RBFOX1: variants seen among roughly 807,000 people sequenced by gnomAD.
RBFOX1 encodes RNA binding protein fox-1 homolog 1.
A neutral mutation model predicts 57.7 loss-of-function variants in RBFOX1; 8 were observed. The ratio of observed to expected loss-of-function variants is 0.14; its 90% CI spans 0.08 to 0.25. The LOEUF (loss-of-function observed/expected upper bound fraction) is 0.25, where lower values mean the gene tolerates loss of function less well. Ranked by LOEUF, RBFOX1 falls within the 10% of genes least tolerant of loss-of-function variation. The probability of loss-of-function intolerance (pLI) is 1.00; values close to 1 mark genes in which losing one functional copy is unlikely to be tolerated. For missense variants in RBFOX1, 611 were observed against 548.5 expected (o/e 1.11, Z -1.14); for synonymous variants, 326 against 222.4 (o/e 1.47, Z -4.15).
chr16:7,077,478 G>A (rs1380386987), intron 4 of RBFOX1, among the ~76,000 whole-genome samples: 1 of 152,142 alleles, frequency 6.6e-6, no homozygotes, highest in Non-Finnish European at 1.5e-5. Context: ...GAATAACTGT[G>A]CCATTAGTAA....
At chr16:6,381,306 A>G in intron 2 of RBFOX1, among the ~76,000 whole-genome samples, 1 of 152,038 alleles carries the variant, frequency 6.6e-6, no homozygotes, top group Non-Finnish European at 1.5e-5. Context: ...CCAAAAGGTA[A>G]TTTTTCAACC....
chr16:6,389,954 G>T (rs2092511691), intron 2 of RBFOX1, among the ~76,000 whole-genome samples: 1 of 152,330 alleles, frequency 6.6e-6, no homozygotes, highest in Admixed American at 6.5e-5. Flanking sequence ...GGCTGGTGAA[G>T]TGTCCAGGAG....
intron 13 of RBFOX1, among the ~76,000 whole-genome samples, chr16:7,666,462 C>A (rs189860192): frequency 6.6e-6 from 1 of 152,040 alleles, no homozygotes; most frequent in African/African-American, 2.4e-5. Flanking sequence ...TCCACCTCTT[C>A]ACGCCTCAGT....
chr16:5,639,248 C>A (rs1190658883), intron 3 of RBFOX1, among the ~76,000 whole-genome samples: 1 of 152,176 alleles, frequency 6.6e-6, no homozygotes, highest in Non-Finnish European at 1.5e-5. Flanking sequence ...GGGAATGCCC[C>A]CACTAATTGC....
intron 1 of RBFOX1, among the ~76,000 whole-genome samples, chr16:6,210,362 A>AAAAAAAAAAAAAAAAAAAAAAACC (rs2097287632): frequency 4.0e-5 from 1 of 25,088 alleles, no homozygotes; most frequent in Non-Finnish European, 6.5e-5. Context: ...AAAAAACACC[A>AAAAAAAAAAAAAAAAAAAAAAACC]AAAAAAAAAA....
intron 3 of RBFOX1, among the ~76,000 whole-genome samples, chr16:6,655,116 A>G (rs1185325424): frequency 3.3e-5 from 5 of 151,798 alleles, no homozygotes; most frequent in African/African-American, 2.4e-5. Context: ...GCTCATGCCT[A>G]TAATCCCAAC....
At chr16:5,369,338 A>G (rs759987749) in intron 1 of RBFOX1, among the ~76,000 whole-genome samples, 7 of 152,116 alleles carry the variant, frequency 4.6e-5, no homozygotes, top group Non-Finnish European at 8.8e-5. Context: ...CAACATTTCT[A>G]CCTGTCCCTT....
intron 2 of RBFOX1, among the ~76,000 whole-genome samples, chr16:6,339,714 A>T (rs976612839): frequency 2.6e-5 from 4 of 151,774 alleles, no homozygotes; most frequent in African/African-American, 9.7e-5. Flanking sequence ...TCTGTCACCC[A>T]GGCTGGAGTG....
At chr16:7,083,307 A>G (rs1242302504) in intron 4 of RBFOX1, among the ~76,000 whole-genome samples, 2 of 151,958 alleles carry the variant, frequency 1.3e-5, no homozygotes, top group Non-Finnish European at 2.9e-5. Flanking sequence ...TCACAGTGAT[A>G]AAATGTTTCT....
At position 7,075,510 on chromosome 16, in the gene RBFOX1, A is replaced by G. The variant is rs536201680; in HGVS notation, c.27+23412A>G. 3.9e-4 allele frequency among the ~76,000 whole-genome samples: 59 copies of G among 152,234 alleles called. 1 individual carries two copies. The highest frequency in any genetic ancestry group is 2.7e-3 in the Admixed American group (41 of 15,290). On this transcript the variant is annotated intron_variant, in intron 4 of 15. Coordinates refer to ENST00000550418, the MANE Select transcript of RBFOX1 (RefSeq NM_018723.4). ...ATTTTTTTTGGCTTCTCTTTAAAAC[A>G]ATAAGTATTAAAAAATAAAAGCCCA...
intron 2 of RBFOX1, among the ~76,000 whole-genome samples, chr16:6,506,545 A>G (rs1339029249): frequency 1.3e-5 from 2 of 150,664 alleles, no homozygotes; most frequent in Admixed American, 6.6e-5. Context: ...TGGGACATCT[A>G]TGGACCCACA....
At chr16:5,760,314 C>G (rs2053548354) in intron 3 of RBFOX1, among the ~76,000 whole-genome samples, 1 of 152,026 alleles carries the variant, frequency 6.6e-6, no homozygotes, top group South Asian at 2.1e-4. Flanking sequence ...CCTCAAGGAT[C>G]TGACAGTTTG....
intron 3 of RBFOX1, among the ~76,000 whole-genome samples, chr16:5,761,649 C>A (rs2053594529): frequency 6.6e-6 from 1 of 152,058 alleles, no homozygotes; most frequent in Non-Finnish European, 1.5e-5. Context: ...GGTAACTGCC[C>A]CCATGTTTGA....
intron 4 of RBFOX1, among the ~76,000 whole-genome samples, chr16:7,177,237 C>T (rs1053881501): frequency 6.6e-6 from 1 of 152,132 alleles, no homozygotes; most frequent in Non-Finnish European, 1.5e-5. Context: ...AATTTGTGCT[C>T]CTTATCTAGC....
At chr16:6,237,631 A>T (rs762334882) in intron 1 of RBFOX1, among the ~76,000 whole-genome samples, 1 of 152,078 alleles carries the variant, frequency 6.6e-6, no homozygotes, top group Non-Finnish European at 1.5e-5. Flanking sequence ...AATCCCAGCT[A>T]CTTGGGAGGG....
intron 3 of RBFOX1, among the ~76,000 whole-genome samples, chr16:7,021,879 CTCTCTTTCTTTCTTTCTT>C (rs1389324466): frequency 5.4e-5 from 8 of 149,118 alleles, no homozygotes; most frequent in Non-Finnish European, 1.0e-4. Context: ...CCTTCTTTCT[CTCTCTTTCTTTCTTTCTT>C]TTCTTTCTTT....
intron 4 of RBFOX1, among the ~76,000 whole-genome samples, chr16:7,330,525 TAG>T (rs138727480): frequency 2.1e-3 from 280 of 132,418 alleles, no homozygotes; most frequent in Admixed American, 2.7e-3. Context: ...TGTGTGTGTG[TAG>T]AGAGAGAGAG....
chr16:7,247,745 T>C (rs957254004), intron 4 of RBFOX1, among the ~76,000 whole-genome samples: 3 of 152,204 alleles, frequency 2.0e-5, no homozygotes, highest in Admixed American at 6.5e-5. Flanking sequence ...TACATTTCCA[T>C]TGCAGGGAGC....
intron 3 of RBFOX1, among the ~76,000 whole-genome samples, chr16:6,802,945 A>G (rs572438303): frequency 1.3e-5 from 2 of 152,344 alleles, no homozygotes; most frequent in South Asian, 4.1e-4. Flanking sequence ...TGAAGAGGGA[A>G]GATGGCTTCT....
Sources: allele counts gnomAD v4.1 joint callset (sites outside exome capture counted in the v4.1 genomes callset), GRCh38; gene constraint gnomAD v4.1.1; transcripts MANE v1.5; gene names NCBI Gene and HGNC (gene_info 2026-07-23, HGNC 2026-07-21).